Variants in TSHZ3 observed in about 807,000 individuals in gnomAD.
TSHZ3 encodes the protein teashirt zinc finger homeobox 3.
TSHZ3 carries 10 observed loss-of-function variants against 64.5 expected under a neutral mutation model. That is an observed-to-expected ratio of 0.16 (90% CI 0.10 to 0.26). The LOEUF is 0.26. TSHZ3 is among the 10% of genes least tolerant of loss of function. The pLI, the probability that TSHZ3 is intolerant of heterozygous loss-of-function variation, is 1.00. For synonymous variants in TSHZ3, 608 were observed against 593.1 expected (o/e 1.03, Z -0.36); for missense variants, 1,242 against 1,421.7 (o/e 0.87, Z 2.03).
At position 31,276,098 on chromosome 19, in the gene TSHZ3, C is replaced by T. The variant is rs1976226829; in HGVS notation, c.*449G>A. On this transcript the variant is annotated 3_prime_UTR_variant, in exon 2 of 2. Transcript: ENST00000240587. ...GGAGTTTAAAAAACAGAGCTTCATA[C>T]ATTATTATTATTTTATTTTATTTTT... 1 of 153,158 alleles carries T rather than the reference C, an allele frequency of 6.5e-6. No homozygotes were observed. Among genetic ancestry groups the T allele is most frequent in the South Asian group, 2.1e-4 (1 of 4,830 alleles). The allele number at this position is 153,158 out of a possible 1,614,324, so 9.5% of individuals were successfully genotyped here. A position where few individuals can be genotyped will look rare whatever the true frequency, so the allele number is the denominator to read the frequency against.
chr19:31,273,469 A>C (rs77758142), downstream of TSHZ3, among the ~76,000 whole-genome samples: 5,163 of 152,200 alleles, frequency 0.034, 289 homozygotes, highest in African/African-American at 0.12. Context: ...GAGTCCTCCC[A>C]AACTGTCAAG....
intron 5 of TSHZ3, among the ~76,000 whole-genome samples, chr19:31,159,565 GA>G (rs779958016): frequency 6.6e-6 from 1 of 152,150 alleles, no homozygotes; most frequent in Non-Finnish European, 1.5e-5. Flanking sequence ...AGTTGTCCAT[GA>G]AGCTCTCATT....
At chr19:31,228,897 C>A (rs1975505846) in intron 3 of TSHZ3, among the ~76,000 whole-genome samples, 1 of 152,176 alleles carries the variant, frequency 6.6e-6, no homozygotes, top group African/African-American at 2.4e-5. Flanking sequence ...ACTACCTCGC[C>A]ACTCTAATCT....
At chr19:31,198,023 C>A (rs1026304073) in intron 5 of TSHZ3, among the ~76,000 whole-genome samples, 1 of 152,056 alleles carries the variant, frequency 6.6e-6, no homozygotes, top group Non-Finnish European at 1.5e-5. Context: ...CCAAAATTCT[C>A]ATGGACATAG....
chr19:31,338,963 C>T (rs1006761355), intron 1 of TSHZ3, among the ~76,000 whole-genome samples: 2 of 152,000 alleles, frequency 1.3e-5, no homozygotes, highest in Non-Finnish European at 2.9e-5. Flanking sequence ...CCTACCCTGC[C>T]CCAGCTTGTC....
At chr19:31,183,187 T>TCTCTCC (rs1485560300) in intron 5 of TSHZ3, among the ~76,000 whole-genome samples, 2 of 51,666 alleles carry the variant, frequency 3.9e-5, no homozygotes, top group Non-Finnish European at 6.5e-5. Context: ...ATTCTCTCTC[T>TCTCTCC]CTCTCTCTCT....
intron 1 of TSHZ3, among the ~76,000 whole-genome samples, chr19:31,297,461 C>G (rs1046676320): frequency 1.1e-4 from 16 of 152,072 alleles, no homozygotes; most frequent in Non-Finnish European, 7.4e-5. Context: ...GAAAGTTCTA[C>G]AACCTCGATT....
intron 1 of TSHZ3, among the ~76,000 whole-genome samples, chr19:31,250,506 G>A (rs1382904269): frequency 6.6e-6 from 1 of 152,226 alleles, no homozygotes; most frequent in African/African-American, 2.4e-5. Flanking sequence ...ACCAGTACCT[G>A]AAGAATGATT....
At chr19:31,161,423 T>C (rs1016969058) in intron 5 of TSHZ3, among the ~76,000 whole-genome samples, 21 of 152,224 alleles carry the variant, frequency 1.4e-4, no homozygotes, top group African/African-American at 3.6e-4. Flanking sequence ...TGCATAGATA[T>C]AATTTGGAAT....
At chr19:31,232,542 A>AG (rs2145176851) in intron 3 of TSHZ3, among the ~76,000 whole-genome samples, 1 of 152,346 alleles carries the variant, frequency 6.6e-6, no homozygotes, top group African/African-American at 2.4e-5. Context: ...TATTTTAAAA[A>AG]TCAACATTGT....
At chr19:31,236,240 T>C (rs1279276199) in intron 3 of TSHZ3, among the ~76,000 whole-genome samples, 2 of 152,198 alleles carry the variant, frequency 1.3e-5, no homozygotes, top group African/African-American at 4.8e-5. Context: ...GGCTGTACCA[T>C]TTACATTCAC....
intron 1 of TSHZ3, among the ~76,000 whole-genome samples, chr19:31,345,484 G>A (rs1324094928): frequency 6.6e-6 from 1 of 152,112 alleles, no homozygotes; most frequent in Non-Finnish European, 1.5e-5. Flanking sequence ...AACCCCCTCT[G>A]GCTGTTCCAG....
intron 1 of TSHZ3, among the ~76,000 whole-genome samples, chr19:31,341,775 A>G (rs1917447510): frequency 6.6e-6 from 1 of 152,056 alleles, no homozygotes; most frequent in Non-Finnish European, 1.5e-5. Context: ...CCTAGGCCAC[A>G]TTCTTCCCTG....
intron 1 of TSHZ3, among the ~76,000 whole-genome samples, chr19:31,301,215 T>G (rs1348171829): frequency 6.6e-6 from 1 of 151,696 alleles, no homozygotes; most frequent in Non-Finnish European, 1.5e-5. Context: ...AAGAAGCGGG[T>G]GGTGCAGACT....
chr19:31,267,264 G>A (rs1206283836), intron 1 of TSHZ3, among the ~76,000 whole-genome samples: 1 of 152,168 alleles, frequency 6.6e-6, no homozygotes. Flanking sequence ...AGAGATGAGA[G>A]CTCACCCTTG....
intron 1 of TSHZ3, among the ~76,000 whole-genome samples, chr19:31,343,654 G>A (rs1022003347): frequency 6.6e-6 from 1 of 151,288 alleles, no homozygotes; most frequent in Non-Finnish European, 1.5e-5. Context: ...AATGCATAGC[G>A]TTATTCTGGT....
chr19:31,318,305 C>T (rs747151768), intron 1 of TSHZ3, among the ~76,000 whole-genome samples: 1 of 152,090 alleles, frequency 6.6e-6, no homozygotes, highest in Non-Finnish European at 1.5e-5. Flanking sequence ...TATGGCAATT[C>T]ACCATAAAAA....
intron 5 of TSHZ3, among the ~76,000 whole-genome samples, chr19:31,178,085 G>A (rs1428501204): frequency 6.6e-6 from 1 of 152,200 alleles, no homozygotes; most frequent in African/African-American, 2.4e-5. Context: ...GGGACAGCCT[G>A]AGCATGAAAG....
chr19:31,302,679 T>C (rs984718411), intron 1 of TSHZ3, among the ~76,000 whole-genome samples: 1 of 152,204 alleles, frequency 6.6e-6, no homozygotes, highest in Non-Finnish European at 1.5e-5. Context: ...TGTCTATATA[T>C]AAACACACAC....
Sources: allele counts gnomAD v4.1 joint callset (sites outside exome capture counted in the v4.1 genomes callset), GRCh38; gene constraint gnomAD v4.1.1; transcripts MANE v1.5; gene names NCBI Gene and HGNC (gene_info 2026-07-23, HGNC 2026-07-21).